Variants in SH3RF3 observed in about 807,000 individuals in gnomAD.
SH3RF3 encodes the protein SH3 domain containing ring finger 3.
In SH3RF3, 29 loss-of-function variants were observed where a neutral mutation model predicts 66.3. The ratio of observed to expected loss-of-function variants is 0.44; its 90% CI spans 0.33 to 0.60. The LOEUF (loss-of-function observed/expected upper bound fraction) is 0.60. Among genes scored for constraint, SH3RF3 ranks in the 20% least tolerant of loss-of-function variants. The probability of loss-of-function intolerance (pLI) is 0.04; values close to 1 mark genes in which losing one functional copy is unlikely to be tolerated. For synonymous variants in SH3RF3, 583 were observed against 532.0 expected (o/e 1.10, Z -1.32); for missense variants, 1,194 against 1,190.9 (o/e 1.00, Z -0.04).
chr2:109,456,578 C>T (rs534059375), intron 8 of SH3RF3, among the ~76,000 whole-genome samples: 1 of 152,220 alleles, frequency 6.6e-6, no homozygotes, highest in Non-Finnish European at 1.5e-5. Context: ...GGCCTGGAGG[C>T]TTCTCTTGTT....
At chr2:109,337,441 C>G (rs949300109) in intron 1 of SH3RF3, among the ~76,000 whole-genome samples, 3 of 152,206 alleles carry the variant, frequency 2.0e-5, no homozygotes, top group Non-Finnish European at 4.4e-5. Flanking sequence ...TGGCCACCCC[C>G]TCGCATATGG....
intron 8 of SH3RF3, among the ~76,000 whole-genome samples, chr2:109,482,894 T>C (rs1240146800): frequency 3.9e-5 from 6 of 152,282 alleles, no homozygotes; most frequent in Non-Finnish European, 8.8e-5. Flanking sequence ...GCTATTTTCA[T>C]GAACCAATTT....
intron 1 of SH3RF3, among the ~76,000 whole-genome samples, chr2:109,137,315 G>T (rs1676836825): frequency 6.6e-6 from 1 of 152,194 alleles, no homozygotes; most frequent in Admixed American, 6.5e-5. Context: ...CTGACTTTGT[G>T]GTGGGGAAAG....
At chr2:109,342,909 TC>T (rs1360803840) in intron 1 of SH3RF3, among the ~76,000 whole-genome samples, 5 of 152,250 alleles carry the variant, frequency 3.3e-5, no homozygotes, top group Non-Finnish European at 7.3e-5. Context: ...ATGTTAATTG[TC>T]CTGTAGGCAT....
At chr2:109,180,428 G>A (rs1383408326) in intron 1 of SH3RF3, among the ~76,000 whole-genome samples, 1 of 152,178 alleles carries the variant, frequency 6.6e-6, no homozygotes, top group African/African-American at 2.4e-5. Context: ...CAATGAACTG[G>A]CTCCTCAGGG....
intron 1 of SH3RF3, among the ~76,000 whole-genome samples, chr2:109,140,234 C>T (rs1439438719): frequency 2.6e-5 from 4 of 152,212 alleles, no homozygotes; most frequent in African/African-American, 7.2e-5. Context: ...GGTTGACGCA[C>T]GTGTTTGGAG....
chr2:109,209,148 C>G (rs1388689344), intron 1 of SH3RF3, among the ~76,000 whole-genome samples: 1 of 152,206 alleles, frequency 6.6e-6, no homozygotes, highest in Non-Finnish European at 1.5e-5. Flanking sequence ...GGTCCAAACC[C>G]TCTGTGCTGT....
At chr2:109,142,086 C>A (rs1457570722) in intron 1 of SH3RF3, among the ~76,000 whole-genome samples, 1 of 151,858 alleles carries the variant, frequency 6.6e-6, no homozygotes, top group Non-Finnish European at 1.5e-5. Flanking sequence ...TCTGCTGCAG[C>A]CCCTGGCCTG....
Position 109,348,028 on chromosome 2 carries a change from A to G in SH3RF3, c.849+79A>G, listed in dbSNP as rs1351528398. 4.0e-6 allele frequency: 6 copies of G among 1,492,902 alleles called. No individual in the cohort carries two copies. The East Asian group carries it at 9.9e-5, about 25-fold the overall frequency. The allele number at this position is 1,492,902 out of a possible 1,614,324, so 92.5% of individuals were successfully genotyped here. On this transcript the variant is annotated intron_variant, in intron 2 of 9. Coordinates refer to ENST00000309415, the MANE Select transcript of SH3RF3 (RefSeq NM_001099289.3). The stretch of plus-strand genomic sequence containing the variant: ...CAGGGCTCTTCCCAGCCACAGACCT[A>G]TAGCCAGACAGTCTTTCTTCAGAGT...
intron 1 of SH3RF3, chr2:109,251,326 A>G (rs2105260282): frequency 2.1e-6 from 1 of 481,378 alleles, no homozygotes; most frequent in Non-Finnish European, 3.9e-6. Flanking sequence ...TTTAACAAAG[A>G]ATTAGAGAGA....
chr2:109,479,287 T>G (rs1256558728), intron 8 of SH3RF3, among the ~76,000 whole-genome samples: 1 of 151,782 alleles, frequency 6.6e-6, no homozygotes, highest in Non-Finnish European at 1.5e-5. Context: ...GTCCTGTGAC[T>G]TAGTTAGGGG....
intron 1 of SH3RF3, among the ~76,000 whole-genome samples, chr2:109,334,836 A>T (rs1682372619): frequency 6.6e-6 from 1 of 152,196 alleles, no homozygotes; most frequent in South Asian, 2.1e-4. Context: ...TGCTCCCCTC[A>T]GTAGCACTTC....
At chr2:109,311,336 C>T (rs950193291) in intron 1 of SH3RF3, among the ~76,000 whole-genome samples, 1 of 104,340 alleles carries the variant, frequency 9.6e-6, no homozygotes, top group Non-Finnish European at 1.8e-5. Context: ...ATTGATGGGA[C>T]GTATTTCAAA....
chr2:109,170,340 CTCTT>C (rs1677748796), intron 1 of SH3RF3, among the ~76,000 whole-genome samples: 2 of 148,662 alleles, frequency 1.3e-5, no homozygotes, highest in South Asian at 2.1e-4. Context: ...CTCTCTCTCT[CTCTT>C]TCCTTTCTTT....
In SH3RF3 at chr2:109,307,654, A is replaced by G. The variant is rs554942288; in HGVS notation, c.574-40020A>G. On this transcript the variant is annotated intron_variant, in intron 1 of 9. Transcript: ENST00000309415. ...TGATCTCATTGTTCAATTCCCACCT[A>G]TGAGTGAGAATATGTGGTGTTTGGT... 8.6e-5 allele frequency among the ~76,000 whole-genome samples: 12 copies of G among 139,376 alleles called. No homozygotes were observed. In the East Asian group the frequency reaches 1.4e-3, roughly 17 times the overall value. The allele number at this position is 139,376 out of a possible 152,430, so 91.4% of individuals were successfully genotyped here. A position where few individuals can be genotyped will look rare whatever the true frequency, so the allele number is the denominator to read the frequency against.
chr2:109,132,963 T>A (rs1035640717), intron 1 of SH3RF3, among the ~76,000 whole-genome samples: 9 of 152,218 alleles, frequency 5.9e-5, no homozygotes, highest in African/African-American at 2.2e-4. Flanking sequence ...GTTTTGAAAA[T>A]TTTTTAAATC....
Position 109,239,856 on chromosome 2 carries a change from C to T in SH3RF3, c.574-107818C>T, listed in dbSNP as rs147477077. Among the ~76,000 whole-genome samples, 22 of 152,278 alleles carry T rather than the reference C, an allele frequency of 1.4e-4. No individual in the cohort carries two copies. In the East Asian group the frequency reaches 3.5e-3, roughly 24 times the overall value. Reference sequence around the variant, plus strand: ...CACAGCAACTTACAGAATTTCCGACCGTCTCCTTGGAGACTTAGAGAAATG... The same window carrying T: ...CACAGCAACTTACAGAATTTCCGACTGTCTCCTTGGAGACTTAGAGAAATG... On this transcript the variant is annotated intron_variant, in intron 1 of 9. Coordinates refer to ENST00000309415, the MANE Select transcript of SH3RF3 (RefSeq NM_001099289.3).
chr2:109,488,970 A>G (rs1679053305), intron 8 of SH3RF3, among the ~76,000 whole-genome samples: 1 of 152,112 alleles, frequency 6.6e-6, no homozygotes, highest in African/African-American at 2.4e-5. Flanking sequence ...TCCTGAAATC[A>G]CCCAGAACTC....
chr2:109,276,015 G>T (rs949027118), intron 1 of SH3RF3, among the ~76,000 whole-genome samples: 4 of 152,192 alleles, frequency 2.6e-5, no homozygotes, highest in Non-Finnish European at 5.9e-5. Context: ...TCCAATCCTG[G>T]AGAGGATTTC....
Sources: gnomAD v4.1 joint callset for allele counts (sites outside exome capture counted in the v4.1 genomes callset) on GRCh38, gnomAD v4.1.1 for gene constraint, MANE v1.5 for transcripts, NCBI Gene and HGNC (gene_info 2026-07-23, HGNC 2026-07-21) for gene names.